OR6F1: variants seen among roughly 807,000 people sequenced by gnomAD.
The protein encoded by OR6F1 is olfactory receptor 6F1.
For missense variants in OR6F1, 346 were observed against 376.0 expected (o/e 0.92, Z 0.66); for synonymous variants, 144 against 150.0 (o/e 0.96, Z 0.29).
Position 247,711,820 on chromosome 1 carries a change from AGAG to A in OR6F1, c.*6_*8del, listed in dbSNP as rs773069310. The A allele has an allele frequency of 6.4e-7, 1 of 1,574,108 alleles. No individual in the cohort carries two copies. The highest frequency in any genetic ancestry group is 1.3e-5 in the African/African-American group (1 of 74,174). ...CCATTTACAGGACATCTGTTGTGGTAGAGGAGATTTATTTTCCCTTCCATTTCT... is the reference window on the plus strand; with the variant it reads ...CCATTTACAGGACATCTGTTGTGGTAGAGATTTATTTTCCCTTCCATTTCT... On this transcript the variant is annotated 3_prime_UTR_variant, in exon 3 of 3. Coordinates refer to ENST00000641470, the MANE Select transcript of OR6F1 (RefSeq NM_001005286.2).
chr1:247,712,837 G>T lies in OR6F1; in HGVS notation c.-62-20C>A. On this transcript the variant is annotated intron_variant, in intron 2 of 2. Coordinates refer to ENST00000641470, the MANE Select transcript of OR6F1 (RefSeq NM_001005286.2). The stretch of plus-strand genomic sequence containing the variant: ...ACAGTCCTAGAAAGATAAAAAGAAT[G>T]GATTCATGAAAGAGCTCCAATAATT... 1 of 711,526 alleles carries T rather than the reference G, an allele frequency of 1.4e-6. No individual in the cohort carries two copies. Among genetic ancestry groups the T allele is most frequent in the Non-Finnish European group, 2.3e-6 (1 of 426,728 alleles). 44.1% of individuals were successfully genotyped at this position (711,526 alleles called of 1,614,324 possible). A position where few individuals can be genotyped will look rare whatever the true frequency, so the allele number is the denominator to read the frequency against.
Position 247,712,727 on chromosome 1 carries a change from TG to T in OR6F1, c.28del (p.Gln10ArgfsTer24). MDTGNKTLP[Q>X]DFLLLGFPGS... ...AGGAAAGCCCAGTAAGAGAAAGTCC[TG>T]GGGCAGAGTTTTGTTGCCTGTGTCC... On this transcript the variant is annotated frameshift_variant, in exon 3 of 3. Coordinates refer to ENST00000641470, the MANE Select transcript of OR6F1 (RefSeq NM_001005286.2). LOFTEE classifies it low-confidence loss of function (END_TRUNC). The T allele has an allele frequency of 2.5e-6, 4 of 1,594,474 alleles. No individual in the cohort carries two copies. The highest frequency in any genetic ancestry group is 3.4e-6 in the Non-Finnish European group (4 of 1,169,934).
chr1:247,712,838 G>T, intron 2 of OR6F1, 21 bp from the exon 3 acceptor site: 1 of 711,728 alleles, frequency 1.4e-6, no homozygotes, highest in Non-Finnish European at 2.3e-6. Context: ...AAAAAGAATG[G>T]ATTCATGAAA....
intron 1 of OR6F1, among the ~76,000 whole-genome samples, chr1:247,714,794 A>G (rs1196934159): frequency 6.6e-6 from 1 of 152,250 alleles, no homozygotes; most frequent in Non-Finnish European, 1.5e-5. Flanking sequence ...AATAAATACT[A>G]AATAATATAT....
At chr1:247,713,384 A>G (rs1024263509) in intron 2 of OR6F1, among the ~76,000 whole-genome samples, 1 of 152,032 alleles carries the variant, frequency 6.6e-6, no homozygotes, top group Non-Finnish European at 1.5e-5. Context: ...TGATGATTTC[A>G]TGTTTAAACA....
chr1:247,713,565 C>G (rs980583067), intron 2 of OR6F1, among the ~76,000 whole-genome samples: 1 of 152,200 alleles, frequency 6.6e-6, no homozygotes, highest in Non-Finnish European at 1.5e-5. Flanking sequence ...TAGTTTATTT[C>G]TAAGCACTAG....
intron 1 of OR6F1, among the ~76,000 whole-genome samples, chr1:247,714,545 T>C (rs75100386): frequency 0.013 from 1,932 of 152,326 alleles, 35 homozygotes; most frequent in African/African-American, 0.042. Context: ...CCCGTGTGTA[T>C]GTGCAACGCA....
intron 1 of OR6F1, among the ~76,000 whole-genome samples, chr1:247,715,814 T>C (rs141327719): frequency 2.0e-5 from 3 of 152,328 alleles, no homozygotes; most frequent in Admixed American, 2.0e-4. Flanking sequence ...TTTAAATACA[T>C]AATATGACAG....
intron 1 of OR6F1, among the ~76,000 whole-genome samples, chr1:247,715,686 C>A (rs1376754271): frequency 6.6e-6 from 1 of 152,054 alleles, no homozygotes; most frequent in African/African-American, 2.4e-5. Context: ...AAGTAAATTA[C>A]CTTTTAATTT....
chr1:247,714,427 C>T (rs1660069260), intron 1 of OR6F1, among the ~76,000 whole-genome samples: 1 of 150,534 alleles, frequency 6.6e-6, no homozygotes, highest in South Asian at 2.1e-4. Flanking sequence ...CCCCTGAGAA[C>T]CCCTTCCTTT....
At position 247,711,973 on chromosome 1, in the gene OR6F1, G is replaced by T. The variant is rs757807968; in HGVS notation, c.783C>A (p.Arg261=). 6.2e-7 allele frequency: 1 copy of T among 1,614,174 alleles called. No homozygotes were observed. Among genetic ancestry groups the T allele is most frequent in the South Asian group, 1.1e-5 (1 of 91,088 alleles). ...GATCCAAGGCATCTTTGATAGAGGT[G>T]CGGACGTGAAGGAAAACTGTGGACC... ...WYGSTVFLHV[R]TSIKDALDLI... Residue 261 remains arginine (R), a synonymous_variant, in exon 3 of 3, where the codon CGC becomes CGA. Coordinates refer to ENST00000641470, the MANE Select transcript of OR6F1 (RefSeq NM_001005286.2).
rs186143987 is a variant in OR6F1 at position 247,711,884 on chromosome 1, G to A, written c.872C>T (p.Thr291Met). 3.4e-5 allele frequency: 55 copies of A among 1,613,700 alleles called. No individual in the cohort carries two copies. The East Asian group carries it at 5.1e-4, about 15-fold the overall frequency. The change falls in exon 3 of 3, where the codon ACG becomes ATG. Residue 291 changes from threonine (T) to methionine (M), a missense_variant. By Grantham distance (81) the Thr-to-Met change is moderately conservative. Coordinates refer to ENST00000641470, the MANE Select transcript of OR6F1 (RefSeq NM_001005286.2). ...VTPVLNPFIY[T>M]LRNKEVRETL... is the part of the protein sequence containing the mutation. ...CTCTCTTACTTCCTTATTACGAAGC[G>A]TATAGATGAAGGGGTTTAAAACTGG...
chr1:247,711,846 T>C lies in OR6F1; in HGVS notation c.910A>G (p.Lys304Glu). The change falls in exon 3 of 3, where the codon AAA becomes GAA. Residue 304 changes from lysine to glutamate, a missense_variant. Coordinates refer to ENST00000641470, the MANE Select transcript of OR6F1 (RefSeq NM_001005286.2). ...GAGGAGATTTATTTTCCCTTCCATTTCTTCAGCAGAGTCTCTCTTACTTCC... is the reference window on the plus strand; with the variant it reads ...GAGGAGATTTATTTTCCCTTCCATTCCTTCAGCAGAGTCTCTCTTACTTCC... ...NKEVRETLLK[K>E]WKGK 6.2e-7 allele frequency: 1 copy of C among 1,610,910 alleles called. No homozygotes were observed. The highest frequency in any genetic ancestry group is 8.5e-7 in the Non-Finnish European group (1 of 1,177,302).
chr1:247,712,351 G>C lies in OR6F1; in HGVS notation c.405C>G (p.Ile135Met), dbSNP rs780651199. The stretch of plus-strand genomic sequence containing the variant: ...GCTGCGCTGAGAGCAGGCTACTCAT[G>C]ATGGCTCCGTAGTGTAAAGGATAGC... Reference protein sequence around the residue: ...AICYPLHYGAIMSSLLSAQLA... With the variant: ...AICYPLHYGAMMSSLLSAQLA... The change falls in exon 3 of 3, where the codon ATC becomes ATG. Residue 135 changes from isoleucine to methionine, a missense_variant. Ile to Met is a conservative substitution (Grantham distance 10). Transcript: ENST00000641470. 1.1e-5 allele frequency: 18 copies of C among 1,614,050 alleles called. No individual in the cohort carries two copies. The highest frequency in any genetic ancestry group is 1.4e-5 in the Non-Finnish European group (16 of 1,179,974).
Position 247,716,428 on chromosome 1 carries a change from A to G in OR6F1, c.-224T>C, listed in dbSNP as rs75515693. On this transcript the variant is annotated 5_prime_UTR_variant, in exon 1 of 3. Transcript: ENST00000641470. ...CCATGATTTTCTTTATTTAAAAATA[A>G]TATATTTTGATTGCAATTATTCCCT... 2 of 152,140 alleles carry G rather than the reference A, an allele frequency of 1.3e-5. No homozygotes were observed. Among genetic ancestry groups the G allele is most frequent in the Admixed American group, 1.3e-4 (2 of 15,274 alleles). The allele number at this position is 152,140 out of a possible 1,614,324, so 9.4% of individuals were successfully genotyped here. A position where few individuals can be genotyped will look rare whatever the true frequency, so the allele number is the denominator to read the frequency against.
chr1:247,711,971 G>C lies in OR6F1; in HGVS notation c.785C>G (p.Thr262Ser). 4 of 1,614,100 alleles carry C rather than the reference G, an allele frequency of 2.5e-6. No individual in the cohort carries two copies. Among genetic ancestry groups the C allele is most frequent in the South Asian group, 2.2e-5 (2 of 91,086 alleles). The change falls in exon 3 of 3, where the codon ACC becomes AGC. Residue 262 changes from threonine (T) to serine (S), a missense_variant. Thr to Ser is a moderately conservative substitution (Grantham distance 58). Transcript: ENST00000641470. ...YGSTVFLHVR[T>S]SIKDALDLIK... ...CAGATCCAAGGCATCTTTGATAGAG[G>C]TGCGGACGTGAAGGAAAACTGTGGA...
chr1:247,712,478 G>T lies in OR6F1; in HGVS notation c.278C>A (p.Ser93Ter), dbSNP rs747007240. ...AILLGRSQTI[S>*]FTSCLLQMYF... is the part of the protein sequence containing the mutation. ...CATCTGCAAAAGACAGCTTGTAAAT[G>T]ATATGGTCTGACTTCTCCCCAGTAG... is the stretch of plus-strand genomic sequence containing the variant. Residue 93 changes from serine to a stop codon, truncating the protein, a stop_gained, in exon 3 of 3, where the codon TCA becomes TAA. Coordinates refer to ENST00000641470, the MANE Select transcript of OR6F1 (RefSeq NM_001005286.2). LOFTEE classifies it low-confidence loss of function (END_TRUNC). 6.2e-7 allele frequency: 1 copy of T among 1,614,102 alleles called. No individual in the cohort carries two copies. The highest frequency in any genetic ancestry group is 8.5e-7 in the Non-Finnish European group (1 of 1,179,948).
At position 247,711,787 on chromosome 1, in the gene OR6F1, T is replaced by C. The variant is rs1441628640; in HGVS notation, c.*42A>G. On this transcript the variant is annotated 3_prime_UTR_variant, in exon 3 of 3. Transcript: ENST00000641470. The stretch of plus-strand genomic sequence containing the variant: ...TTCTTACTTGGAACCTCTGTATAGA[T>C]GCAGAGACCATTTACAGGACATCTG... 3.0e-6 allele frequency: 4 copies of C among 1,327,584 alleles called. No individual in the cohort carries two copies. The highest frequency in any genetic ancestry group is 3.5e-5 in the Admixed American group (2 of 57,590). The allele number at this position is 1,327,584 out of a possible 1,614,324, so 82.2% of individuals were successfully genotyped here.
intron 2 of OR6F1, among the ~76,000 whole-genome samples, 182 bp from the exon 3 acceptor site, chr1:247,712,999 T>C (rs1008355401): frequency 1.3e-5 from 2 of 152,200 alleles, no homozygotes; most frequent in African/African-American, 4.8e-5. Context: ...AGAAAACAAA[T>C]GTGCAAAAAA....
Sources: allele counts gnomAD v4.1 joint callset (sites outside exome capture counted in the v4.1 genomes callset), GRCh38; gene constraint gnomAD v4.1.1; transcripts MANE v1.5; gene names NCBI Gene and HGNC (gene_info 2026-07-23, HGNC 2026-07-21).